The following TMTC1 variants were observed in gnomAD, a reference collection of about 807,000 sequenced individuals.
TMTC1 encodes the protein transmembrane O-mannosyltransferase targeting cadherins 1, also known as protein O-mannosyl-transferase TMTC1.
In TMTC1, 73 loss-of-function variants were observed where a neutral mutation model predicts 104.8. The ratio of observed to expected loss-of-function variants is 0.70; its 90% CI spans 0.58 to 0.85. The LOEUF (loss-of-function observed/expected upper bound fraction) is 0.85, where lower values mean the gene tolerates loss of function less well. Among genes scored for constraint, TMTC1 ranks in the 40% least tolerant of loss-of-function variants. The probability of loss-of-function intolerance (pLI) is 0.00; values close to 1 mark genes in which losing one functional copy is unlikely to be tolerated. For missense variants in TMTC1, 1,035 were observed against 1,096.1 expected (o/e 0.94, Z 0.79); for synonymous variants, 434 against 428.7 (o/e 1.01, Z -0.15).
chr12:29,591,596 G>T (rs1592283535), intron 7 of TMTC1, among the ~76,000 whole-genome samples: 1 of 152,196 alleles, frequency 6.6e-6, no homozygotes, highest in African/African-American at 2.4e-5. Context: ...CTGCCTTCGA[G>T]AATGTAGCGA....
intron 5 of TMTC1, among the ~76,000 whole-genome samples, chr12:29,710,924 T>TAA (rs571381196): frequency 4.8e-5 from 1 of 20,926 alleles, no homozygotes; most frequent in Non-Finnish European, 3.7e-4. Context: ...TAAATATATA[T>TAA]AAATATATTA....
intron 7 of TMTC1, among the ~76,000 whole-genome samples, chr12:29,600,131 AC>A (rs1349852192): frequency 2.0e-5 from 3 of 151,036 alleles, no homozygotes; most frequent in East Asian, 1.9e-4. Flanking sequence ...AAAAAAAAAA[AC>A]ATTTTGAACA....
chr12:29,739,683 A>G (rs1481753503), intron 5 of TMTC1, among the ~76,000 whole-genome samples: 1 of 151,824 alleles, frequency 6.6e-6, no homozygotes, highest in East Asian at 1.9e-4. Flanking sequence ...GTGGTCCTGC[A>G]CTCGTCAAAT....
chr12:29,664,196 A>T (rs1940179398), intron 5 of TMTC1, among the ~76,000 whole-genome samples: 5 of 150,516 alleles, frequency 3.3e-5, no homozygotes, highest in Admixed American at 3.3e-4. Context: ...CAAAAAAATA[A>T]AAATAAAAAA....
intron 5 of TMTC1, among the ~76,000 whole-genome samples, chr12:29,741,877 A>G (rs2136946012): frequency 6.6e-6 from 1 of 152,330 alleles, no homozygotes; most frequent in East Asian, 1.9e-4. Context: ...TGGCAGTTAT[A>G]AAGAAGAAAC....
intron 5 of TMTC1, among the ~76,000 whole-genome samples, chr12:29,686,918 A>T (rs557599403): frequency 5.4e-4 from 83 of 152,294 alleles, no homozygotes; most frequent in Non-Finnish European, 8.8e-4. Flanking sequence ...ATTTGGAGTT[A>T]TGTAGTATGA....
intron 5 of TMTC1, among the ~76,000 whole-genome samples, chr12:29,734,058 A>G (rs1236325751): frequency 1.3e-5 from 2 of 152,136 alleles, no homozygotes; most frequent in Non-Finnish European, 2.9e-5. Context: ...TCATAATGCA[A>G]TACTCCCCAT....
chr12:29,608,562 A>G (rs187184974), intron 6 of TMTC1, among the ~76,000 whole-genome samples: 3 of 152,356 alleles, frequency 2.0e-5, no homozygotes, highest in Admixed American at 2.0e-4. Flanking sequence ...TTGGTGATCA[A>G]CTAGACAAAA....
At chr12:29,761,489 A>G (rs1272007375) in intron 2 of TMTC1, among the ~76,000 whole-genome samples, 1 of 152,112 alleles carries the variant, frequency 6.6e-6, no homozygotes. Context: ...ATAATGCATT[A>G]CTTCAGAAGA....
At chr12:29,557,540 T>A (rs1945276459) in intron 9 of TMTC1, among the ~76,000 whole-genome samples, 1 of 152,218 alleles carries the variant, frequency 6.6e-6, no homozygotes, top group African/African-American at 2.4e-5. Context: ...AACCCCCGCC[T>A]CCCAGGTTCA....
intron 8 of TMTC1, among the ~76,000 whole-genome samples, chr12:29,575,905 T>G (rs2136310439): frequency 6.6e-6 from 1 of 152,328 alleles, no homozygotes; most frequent in South Asian, 2.1e-4. Flanking sequence ...ACTCCAACAC[T>G]TGTTATCTCT....
rs558630165 is a variant in TMTC1 at position 29,594,779 on chromosome 12, C to T, written c.1250+9399G>A. ...CTGCAATTGAGTCTCTCTCTTCCATCCACAGAGACACATTTCACAACCCCC... is the reference window on the plus strand; with the variant it reads ...CTGCAATTGAGTCTCTCTCTTCCATTCACAGAGACACATTTCACAACCCCC... On this transcript the variant is annotated intron_variant, in intron 7 of 17. Transcript: ENST00000539277. Among the ~76,000 whole-genome samples the T allele has an allele frequency of 3.8e-4, 58 of 152,332 alleles. 1 individual carries two copies. Among genetic ancestry groups the T allele is most frequent in the African/African-American group, 1.1e-3 (47 of 41,574 alleles).
intron 12 of TMTC1, chr12:29,519,284 T>TATC (rs944286300): frequency 1.3e-5 from 2 of 152,196 alleles, no homozygotes; most frequent in Admixed American, 1.3e-4. Context: ...TTTAGCTGTT[T>TATC]ATCAGGATTT....
chr12:29,534,305 G>A (rs1944583416), intron 11 of TMTC1: 1 of 152,222 alleles, frequency 6.6e-6, no homozygotes, highest in African/African-American at 2.4e-5. Context: ...CTCAACAGCT[G>A]CTTCATTGTT....
intron 5 of TMTC1, among the ~76,000 whole-genome samples, chr12:29,743,416 T>C (rs578036845): frequency 1.3e-5 from 2 of 152,352 alleles, no homozygotes; most frequent in South Asian, 4.1e-4. Context: ...ACAATCATCA[T>C]GCTTGCTTCT....
intron 6 of TMTC1, among the ~76,000 whole-genome samples, chr12:29,629,734 A>G (rs1938199106): frequency 6.6e-6 from 1 of 152,218 alleles, no homozygotes; most frequent in South Asian, 2.1e-4. Context: ...AAAAGCTTTG[A>G]AACTAGAAAG....
chr12:29,768,185 G>T (rs985843869), intron 1 of TMTC1, 110 bp from the exon 2 acceptor site: 6 of 840,812 alleles, frequency 7.1e-6, no homozygotes, highest in Non-Finnish European at 1.1e-5. Context: ...TTAGATTAAT[G>T]ATTTTTAAAT....
intron 5 of TMTC1, among the ~76,000 whole-genome samples, chr12:29,648,982 C>CA (rs1324882903): frequency 6.6e-6 from 1 of 152,088 alleles, no homozygotes; most frequent in Non-Finnish European, 1.5e-5. Flanking sequence ...TGGTGGACTG[C>CA]AAGGATCTGG....
chr12:29,723,641 G>T (rs755543404), intron 5 of TMTC1, among the ~76,000 whole-genome samples: 1 of 152,022 alleles, frequency 6.6e-6, no homozygotes, highest in South Asian at 2.1e-4. Context: ...GAGCACAGGA[G>T]TTCAAGACTA....
Sources: gnomAD v4.1 joint callset for allele counts (sites outside exome capture counted in the v4.1 genomes callset) on GRCh38, gnomAD v4.1.1 for gene constraint, MANE v1.5 for transcripts, NCBI Gene and HGNC (gene_info 2026-07-23, HGNC 2026-07-21) for gene names.